Variants in NTNG1 observed in about 807,000 individuals in gnomAD.
NTNG1 encodes the protein netrin-G1.
Under a neutral mutation model 54.0 loss-of-function variants are expected in NTNG1, and 16 were observed. That is an observed-to-expected ratio of 0.30 (90% confidence interval 0.20 to 0.45). The LOEUF (loss-of-function observed/expected upper bound fraction) is 0.45, where lower values mean the gene tolerates loss of function less well. Ranked by LOEUF, NTNG1 falls within the 20% of genes least tolerant of loss-of-function variation. NTNG1 has a pLI of 1.00. For missense variants in NTNG1, 530 were observed against 678.7 expected, an observed-to-expected ratio of 0.78 and a Z score of 2.43; for synonymous variants, 255 against 263.1, an observed-to-expected ratio of 0.97 and a Z score of 0.30.
At chr1:107,330,004 T>C (rs992905422) in intron 3 of NTNG1, among the ~76,000 whole-genome samples, 1 of 152,140 alleles carries the variant, frequency 6.6e-6, no homozygotes, top group Admixed American at 6.6e-5. Flanking sequence ...CTGGAAAGAT[T>C]AGTAAAACCT....
chr1:107,334,357 A>G (rs184825698), intron 3 of NTNG1, among the ~76,000 whole-genome samples: 1 of 151,960 alleles, frequency 6.6e-6, no homozygotes, highest in Non-Finnish European at 1.5e-5. Context: ...TTTGGTGCTA[A>G]CAGAATATCA....
chr1:107,425,606 G>T (rs551459955), intron 5 of NTNG1, among the ~76,000 whole-genome samples: 1 of 152,174 alleles, frequency 6.6e-6, no homozygotes, highest in South Asian at 2.1e-4. Context: ...ATGGTTTCAT[G>T]ACTTTGCTAT....
chr1:107,148,232 C>A lies in NTNG1; in HGVS notation c.-362C>A. 5.2e-6 allele frequency: 1 copy of A among 190,508 alleles called. No homozygotes were observed. The highest frequency in any genetic ancestry group is 1.1e-5 in the Non-Finnish European group (1 of 91,570). 11.8% of individuals were successfully genotyped at this position (190,508 alleles called of 1,614,324 possible). A position where few individuals can be genotyped will look rare whatever the true frequency, so the allele number is the denominator to read the frequency against. ...GGTTATCGGATGTACAACGGGAGAGCCATCGCTTTGCTAAATTATTATCTG... is the reference window on the plus strand; with the variant it reads ...GGTTATCGGATGTACAACGGGAGAGACATCGCTTTGCTAAATTATTATCTG... On this transcript the variant is annotated 5_prime_UTR_variant, in exon 2 of 8. Transcript: ENST00000370068.
chr1:107,411,537 A>T (rs580259), intron 5 of NTNG1, among the ~76,000 whole-genome samples: 28 of 152,126 alleles, frequency 1.8e-4, no homozygotes, highest in Non-Finnish European at 3.8e-4. Context: ...CCCACCCAAG[A>T]GTTATTAATA....
intron 3 of NTNG1, among the ~76,000 whole-genome samples, chr1:107,345,843 C>G (rs1214437392): frequency 6.6e-6 from 1 of 152,082 alleles, no homozygotes; most frequent in East Asian, 1.9e-4. Context: ...GAGCAATACC[C>G]TCTTCTCATT....
chr1:107,222,519 A>G (rs1045920757), intron 2 of NTNG1, among the ~76,000 whole-genome samples: 2 of 152,152 alleles, frequency 1.3e-5, no homozygotes, highest in East Asian at 3.9e-4. Context: ...TAATATAATT[A>G]AGACATCATA....
chr1:107,367,469 G>A (rs1366181537), intron 3 of NTNG1, among the ~76,000 whole-genome samples: 1 of 152,046 alleles, frequency 6.6e-6, no homozygotes, highest in Admixed American at 6.6e-5. Flanking sequence ...TTGTAACTAA[G>A]ATCAGATTTA....
intron 2 of NTNG1, among the ~76,000 whole-genome samples, chr1:107,214,566 A>G (rs1659815827): frequency 6.6e-6 from 1 of 152,188 alleles, no homozygotes; most frequent in Non-Finnish European, 1.5e-5. Context: ...GATGCAAATT[A>G]TGCCGCTATA....
chr1:107,155,508 A>G (rs1006402917), intron 2 of NTNG1, among the ~76,000 whole-genome samples: 4 of 152,008 alleles, frequency 2.6e-5, no homozygotes, highest in African/African-American at 9.7e-5. Context: ...CTGCCTGTGT[A>G]CTCAACTGTA....
intron 2 of NTNG1, among the ~76,000 whole-genome samples, chr1:107,277,085 C>T (rs1357024463): frequency 6.6e-6 from 1 of 152,162 alleles, no homozygotes; most frequent in Non-Finnish European, 1.5e-5. Context: ...AAAAGTGTTA[C>T]ACTGTGGTGC....
chr1:107,191,813 C>T (rs1171886643), intron 2 of NTNG1, among the ~76,000 whole-genome samples: 1 of 151,844 alleles, frequency 6.6e-6, no homozygotes, highest in African/African-American at 2.4e-5. Context: ...CAGTACCATG[C>T]TGTTTTGGTT....
At chr1:107,398,994 A>G (rs1340924130) in intron 4 of NTNG1, among the ~76,000 whole-genome samples, 1 of 152,148 alleles carries the variant, frequency 6.6e-6, no homozygotes, top group East Asian at 1.9e-4. Context: ...CTTAATAATC[A>G]CTATGTAGGA....
At chr1:107,256,981 G>A (rs1662976880) in intron 2 of NTNG1, among the ~76,000 whole-genome samples, 1 of 151,942 alleles carries the variant, frequency 6.6e-6, no homozygotes, top group African/African-American at 2.4e-5. Flanking sequence ...AAATGTTTTT[G>A]CTTATCTGAC....
chr1:107,308,250 T>C (rs1322918275), intron 2 of NTNG1, among the ~76,000 whole-genome samples: 2 of 152,220 alleles, frequency 1.3e-5, no homozygotes, highest in Non-Finnish European at 2.9e-5. Context: ...AGAATGTTAT[T>C]GCCTAGGTTG....
chr1:107,388,632 TGTTTA>T (rs1416644341), intron 3 of NTNG1, among the ~76,000 whole-genome samples: 1 of 152,222 alleles, frequency 6.6e-6, no homozygotes. Flanking sequence ...ATGGTAGCTT[TGTTTA>T]GTTGTTGATT....
chr1:107,154,473 G>A (rs1281902118), intron 2 of NTNG1, among the ~76,000 whole-genome samples: 1 of 151,598 alleles, frequency 6.6e-6, no homozygotes, highest in Non-Finnish European at 1.5e-5. Context: ...ACATGCGCCT[G>A]TAGTCCCAGC....
At chr1:107,308,246 T>C (rs371284781) in intron 2 of NTNG1, among the ~76,000 whole-genome samples, 1 of 152,164 alleles carries the variant, frequency 6.6e-6, no homozygotes, top group Non-Finnish European at 1.5e-5. Context: ...GTCCAGAATG[T>C]TATTGCCTAG....
At chr1:107,214,992 G>C (rs1290924560) in intron 2 of NTNG1, among the ~76,000 whole-genome samples, 1 of 151,428 alleles carries the variant, frequency 6.6e-6, no homozygotes, top group Non-Finnish European at 1.5e-5. Context: ...GTTTTTTCTT[G>C]ATTTTTTGTT....
intron 2 of NTNG1, among the ~76,000 whole-genome samples, chr1:107,311,368 C>T (rs1312135925): frequency 6.6e-5 from 10 of 152,024 alleles, no homozygotes; most frequent in South Asian, 4.2e-4. Flanking sequence ...AGAAATACTT[C>T]TTTGACTGAT....
Sources: gnomAD v4.1 joint callset for allele counts (sites outside exome capture counted in the v4.1 genomes callset) on GRCh38, gnomAD v4.1.1 for gene constraint, MANE v1.5 for transcripts, NCBI Gene and HGNC (gene_info 2026-07-23, HGNC 2026-07-21) for gene names.